Variants in AFF3 observed in about 807,000 individuals in gnomAD.
AFF3 encodes ALF transcription elongation factor 3, also known as AF4/FMR2 family member 3.
A neutral mutation model predicts 129.7 loss-of-function variants in AFF3; 32 were observed. The observed-to-expected ratio is 0.25, with a 90% CI of 0.19 to 0.33. AFF3 has a LOEUF of 0.33. AFF3 is among the 10% of genes least tolerant of loss of function. The probability of loss-of-function intolerance (pLI) is 1.00; values close to 1 mark genes in which losing one functional copy is unlikely to be tolerated. For missense variants in AFF3, 1,373 were observed against 1,592.0 expected (o/e 0.86, Z 2.34); for synonymous variants, 644 against 635.4 (o/e 1.01, Z -0.20).
At chr2:99,895,037 C>A (rs548655283) in intron 7 of AFF3, among the ~76,000 whole-genome samples, 1 of 152,282 alleles carries the variant, frequency 6.6e-6, no homozygotes, top group Admixed American at 6.5e-5. Flanking sequence ...TAGGTTGGCT[C>A]CATTTTGTGT....
At chr2:99,800,916 G>A (rs1685893289) in intron 8 of AFF3, among the ~76,000 whole-genome samples, 1 of 152,156 alleles carries the variant, frequency 6.6e-6, no homozygotes, top group South Asian at 2.1e-4. Flanking sequence ...GGTGGCCTGG[G>A]GATGAGTGGG....
intron 7 of AFF3, among the ~76,000 whole-genome samples, chr2:99,873,412 T>G (rs1407977498): frequency 6.6e-6 from 1 of 152,236 alleles, no homozygotes; most frequent in Non-Finnish European, 1.5e-5. Flanking sequence ...CATTTTTGTA[T>G]TATTATGAAG....
At chr2:99,693,021 A>G (rs532352547) in intron 11 of AFF3, among the ~76,000 whole-genome samples, 158 of 152,340 alleles carry the variant, frequency 1.0e-3, no homozygotes, top group African/African-American at 3.7e-3. Context: ...TGCTGCAGTC[A>G]CCAATCCATA....
At chr2:99,849,817 A>C (rs1402654172) in intron 7 of AFF3, among the ~76,000 whole-genome samples, 1 of 152,224 alleles carries the variant, frequency 6.6e-6, no homozygotes, top group Non-Finnish European at 1.5e-5. Flanking sequence ...AGTGGGTAGA[A>C]GGAAATGATG....
intron 11 of AFF3, among the ~76,000 whole-genome samples, chr2:99,685,970 T>C (rs1238382085): frequency 6.6e-6 from 1 of 151,844 alleles, no homozygotes; most frequent in African/African-American, 2.4e-5. Flanking sequence ...GGGCGGATCA[T>C]GAGGTCAGGA....
rs779158399 is a variant in AFF3 at position 99,578,420 on chromosome 2, G to A, written c.2825C>T (p.Pro942Leu). Residue 942 changes from proline to leucine, a missense_variant, in exon 18 of 25, where the codon CCC becomes CTC. By Grantham distance (98) the Pro-to-Leu change is moderately conservative. Around this residue, in one of 9 missense-constraint regions of AFF3, gnomAD observed 466 missense variants for 505.0 expected, o/e 0.92. Transcript: ENST00000672756. ...KAAHNNSENI[P>L]LHKSRPQTKP... The stretch of plus-strand genomic sequence containing the variant: ...CGTCTGCGGCCGTGACTTGTGGAGG[G>A]GAATGTTTTCAGAATTGTTGTGAGC... 6.2e-7 allele frequency: 1 copy of A among 1,610,954 alleles called. No homozygotes were observed. The highest frequency in any genetic ancestry group is 8.5e-7 in the Non-Finnish European group (1 of 1,178,852).
At chr2:99,695,399 A>C (rs986848050) in intron 11 of AFF3, among the ~76,000 whole-genome samples, 3 of 152,186 alleles carry the variant, frequency 2.0e-5, no homozygotes, top group Non-Finnish European at 4.4e-5. Context: ...GATTCATTTA[A>C]TTCATTAGCT....
At chr2:99,740,054 T>C (rs993115901) in intron 10 of AFF3, among the ~76,000 whole-genome samples, 10 of 148,812 alleles carry the variant, frequency 6.7e-5, no homozygotes, top group Admixed American at 5.5e-4. Flanking sequence ...TGAGTGAGAA[T>C]ATGCGGTGTT....
intron 4 of AFF3, among the ~76,000 whole-genome samples, chr2:100,052,446 C>A (rs1382484316): frequency 1.3e-5 from 2 of 152,124 alleles, no homozygotes; most frequent in Non-Finnish European, 2.9e-5. Flanking sequence ...AGGGCCATGA[C>A]CCAGTATGCT....
chr2:99,760,033 T>TCATA (rs1025280208), intron 8 of AFF3, among the ~76,000 whole-genome samples: 11 of 152,162 alleles, frequency 7.2e-5, no homozygotes, highest in African/African-American at 2.2e-4. Flanking sequence ...TTAAATGAGA[T>TCATA]CATACATACA....
chr2:99,978,437 A>C (rs1343483409), intron 7 of AFF3, among the ~76,000 whole-genome samples: 1 of 152,220 alleles, frequency 6.6e-6, no homozygotes, highest in Non-Finnish European at 1.5e-5. Context: ...TGCATCAATA[A>C]GAGTAATATT....
rs189415113 is a variant in AFF3, at chr2:100,009,766, G to A, written c.54-834C>T. ...CAAAGGGGCTAATTCAACTAGTGAT[G>A]AGGAAGTGACCTGTTTACTGAAGGA... On this transcript the variant is annotated intron_variant, in intron 4 of 24. Transcript: ENST00000672756. 2.8e-4 allele frequency among the ~76,000 whole-genome samples: 42 copies of A among 152,330 alleles called. No individual in the cohort carries two copies. In the East Asian group the frequency reaches 7.7e-3, roughly 28 times the overall value.
At chr2:100,102,052 A>G (rs1366388928) in intron 4 of AFF3, among the ~76,000 whole-genome samples, 2 of 151,528 alleles carry the variant, frequency 1.3e-5, no homozygotes, top group Non-Finnish European at 2.9e-5. Flanking sequence ...AACTACTACC[A>G]CTTACTTACC....
At chr2:99,810,060 T>C (rs1686669145) in intron 8 of AFF3, among the ~76,000 whole-genome samples, 1 of 152,178 alleles carries the variant, frequency 6.6e-6, no homozygotes, top group African/African-American at 2.4e-5. Context: ...GCTCAATAAA[T>C]AGGTACAAAA....
chr2:99,802,437 G>A (rs1215023641), intron 8 of AFF3, among the ~76,000 whole-genome samples: 2 of 152,154 alleles, frequency 1.3e-5, no homozygotes, highest in Non-Finnish European at 2.9e-5. Context: ...GAGGTGGGAG[G>A]ACTGTTTGAG....
chr2:100,090,997 CAT>C (rs1330871529), intron 4 of AFF3, among the ~76,000 whole-genome samples: 2 of 152,164 alleles, frequency 1.3e-5, no homozygotes, highest in Non-Finnish European at 2.9e-5. Flanking sequence ...GCCTATATCA[CAT>C]ATATTTTAAG....
At chr2:99,676,401 G>C (rs1687608664) in intron 11 of AFF3, among the ~76,000 whole-genome samples, 1 of 152,174 alleles carries the variant, frequency 6.6e-6, no homozygotes, top group Non-Finnish European at 1.5e-5. Context: ...GTGGTAGTCA[G>C]AGCAGGGACT....
At chr2:99,948,986 A>G (rs1386418912) in intron 7 of AFF3, among the ~76,000 whole-genome samples, 1 of 152,222 alleles carries the variant, frequency 6.6e-6, no homozygotes. Context: ...TAAGTTGACA[A>G]TAATATTTGG....
At chr2:99,814,484 G>T (rs1311798508) in intron 8 of AFF3, among the ~76,000 whole-genome samples, 1 of 152,166 alleles carries the variant, frequency 6.6e-6, no homozygotes, top group African/African-American at 2.4e-5. Context: ...AGATTGAAAG[G>T]GAGGCACTAC....
Sources: allele counts gnomAD v4.1 joint callset (sites outside exome capture counted in the v4.1 genomes callset), GRCh38; gene constraint gnomAD v4.1.1; regional missense constraint gnomAD v4.1.1; transcripts MANE v1.5; gene names NCBI Gene and HGNC (gene_info 2026-07-23, HGNC 2026-07-21).